Variants in THSD7B observed in about 807,000 individuals in gnomAD.
THSD7B encodes thrombospondin type 1 domain containing 7B, also known as thrombospondin type-1 domain-containing protein 7B.
In THSD7B, 138 loss-of-function variants were observed where a neutral mutation model predicts 213.6. The observed-to-expected ratio is 0.65, with a 90% confidence interval of 0.56 to 0.74. The LOEUF (loss-of-function observed/expected upper bound fraction) is 0.74, where lower values mean the gene tolerates loss of function less well. Ranked by LOEUF, THSD7B falls within the 30% of genes least tolerant of loss-of-function variation. The pLI, the probability that THSD7B is intolerant of heterozygous loss-of-function variation, is 0.00. For synonymous variants in THSD7B, 742 were observed against 687.0 expected (o/e 1.08, Z -1.25); for missense variants, 1,931 against 1,991.5 (o/e 0.97, Z 0.58).
chr2:137,040,900 G>A (rs144427311), intron 2 of THSD7B, among the ~76,000 whole-genome samples: 279 of 152,294 alleles, frequency 1.8e-3, no homozygotes, highest in African/African-American at 6.5e-3. Flanking sequence ...CTTTGATAAT[G>A]TGTTTCATCA....
intron 2 of THSD7B, among the ~76,000 whole-genome samples, chr2:136,887,874 A>G (rs1013064362): frequency 6.6e-6 from 1 of 152,058 alleles, no homozygotes; most frequent in African/African-American, 2.4e-5. Context: ...AAGTTGTTTA[A>G]CCTCTCTGAG....
At chr2:136,996,721 TAATC>T (rs1350562669) in intron 2 of THSD7B, among the ~76,000 whole-genome samples, 14 of 152,302 alleles carry the variant, frequency 9.2e-5, no homozygotes, top group South Asian at 2.1e-4. Flanking sequence ...ATTTAATTAT[TAATC>T]AATCAATATT....
At chr2:136,878,447 T>C (rs1683560029) in intron 1 of THSD7B, among the ~76,000 whole-genome samples, 1 of 152,208 alleles carries the variant, frequency 6.6e-6, no homozygotes, top group South Asian at 2.1e-4. Context: ...ATGGGATGGC[T>C]GGGTCAAATG....
intron 1 of THSD7B, among the ~76,000 whole-genome samples, chr2:136,858,105 A>G (rs1683203207): frequency 6.6e-6 from 1 of 152,234 alleles, no homozygotes. Flanking sequence ...TTACAAGCAT[A>G]ATTGAAAACA....
At chr2:137,633,503 G>T (rs935213340) in intron 20 of THSD7B, among the ~76,000 whole-genome samples, 5 of 152,148 alleles carry the variant, frequency 3.3e-5, no homozygotes, top group Non-Finnish European at 4.4e-5. Context: ...CGTAGTATCT[G>T]ATACCTAAGA....
At chr2:137,047,277 G>A (rs1007654215) in intron 2 of THSD7B, among the ~76,000 whole-genome samples, 9 of 152,166 alleles carry the variant, frequency 5.9e-5, no homozygotes, top group Non-Finnish European at 1.0e-4. Flanking sequence ...GATTGAATCT[G>A]ATCTTTGTAA....
intron 5 of THSD7B, among the ~76,000 whole-genome samples, chr2:137,125,564 G>A (rs1485538185): frequency 2.0e-5 from 3 of 151,988 alleles, no homozygotes; most frequent in Non-Finnish European, 4.4e-5. Context: ...CTGAAATCTT[G>A]AATACCTCAA....
intron 10 of THSD7B, among the ~76,000 whole-genome samples, chr2:137,250,560 A>G (rs930499151): frequency 6.6e-6 from 1 of 152,232 alleles, no homozygotes; most frequent in Non-Finnish European, 1.5e-5. Flanking sequence ...CCAAAACCAC[A>G]TGGAATCCTA....
Position 137,489,208 on chromosome 2 carries a change from C to T in THSD7B, c.3138+38185C>T, listed in dbSNP as rs1197237842. Among the ~76,000 whole-genome samples the T allele has an allele frequency of 4.6e-5, 7 of 151,876 alleles. No homozygotes were observed. The South Asian group carries it at 1.0e-3, about 22-fold the overall frequency. On this transcript the variant is annotated intron_variant, in intron 15 of 27. Coordinates refer to ENST00000409968, the MANE Select transcript of THSD7B (RefSeq NM_001316349.2). ...TTGGGAGGCTGAGGCTGGTGGATCA[C>T]GAGGTCAGGAGATCGAGACCATCCT...
At chr2:137,362,470 C>T (rs10427281) in intron 12 of THSD7B, among the ~76,000 whole-genome samples, 120,426 of 151,612 alleles carry the variant, frequency 0.79, 48,910 homozygotes, top group East Asian at 0.94. Context: ...CCCATCAGTG[C>T]GTTGTATTCA....
intron 14 of THSD7B, among the ~76,000 whole-genome samples, chr2:137,447,898 T>C (rs1218785372): frequency 6.6e-6 from 1 of 152,002 alleles, no homozygotes; most frequent in Non-Finnish European, 1.5e-5. Context: ...TATAGGAAAA[T>C]GCAGAAAATG....
At chr2:137,271,445 TATATAATATAATATATA>T (rs1682735923) in intron 10 of THSD7B, among the ~76,000 whole-genome samples, 2 of 131,384 alleles carry the variant, frequency 1.5e-5, no homozygotes, top group African/African-American at 5.9e-5. Context: ...TATAATATAA[TATATAATATAATATATA>T]ATATAATATA....
At chr2:137,106,775 C>A (rs976475183) in intron 4 of THSD7B, among the ~76,000 whole-genome samples, 8 of 152,168 alleles carry the variant, frequency 5.3e-5, no homozygotes, top group Admixed American at 1.3e-4. Flanking sequence ...ATGCGGCCAA[C>A]AAACATATGA....
intron 12 of THSD7B, among the ~76,000 whole-genome samples, chr2:137,318,971 G>C (rs115551198): frequency 6.6e-6 from 1 of 151,386 alleles, no homozygotes; most frequent in Non-Finnish European, 1.5e-5. Context: ...AGATTGAATT[G>C]TCTCACAATG....
chr2:137,423,260 A>G (rs1341275859), intron 14 of THSD7B, among the ~76,000 whole-genome samples: 1 of 152,132 alleles, frequency 6.6e-6, no homozygotes, highest in Non-Finnish European at 1.5e-5. Flanking sequence ...CTCAAATTCT[A>G]TTCAGCACCA....
chr2:137,600,978 A>G lies in THSD7B; in HGVS notation c.3424-15197A>G, dbSNP rs1245113274. Reference sequence around the variant, plus strand: ...TATCTTAGTTTTCAGCAACAAAAAAAGTTTAAATAGGAAAAAAATTAAAAA... The same window carrying G: ...TATCTTAGTTTTCAGCAACAAAAAAGGTTTAAATAGGAAAAAAATTAAAAA... On this transcript the variant is annotated intron_variant, in intron 17 of 27. Coordinates refer to ENST00000409968, the MANE Select transcript of THSD7B (RefSeq NM_001316349.2). Among the ~76,000 whole-genome samples, 6 of 152,318 alleles carry G rather than the reference A, an allele frequency of 3.9e-5. No homozygotes were observed. In the East Asian group the frequency reaches 1.2e-3, roughly 29 times the overall value.
chr2:136,965,832 T>G (rs992406197), intron 2 of THSD7B, among the ~76,000 whole-genome samples: 2 of 152,200 alleles, frequency 1.3e-5, no homozygotes, highest in African/African-American at 4.8e-5. Flanking sequence ...TTTTCTTAAG[T>G]TAAAGTGCCT....
chr2:137,375,492 G>A (rs1429037172), intron 12 of THSD7B, among the ~76,000 whole-genome samples: 1 of 152,122 alleles, frequency 6.6e-6, no homozygotes, highest in Non-Finnish European at 1.5e-5. Flanking sequence ...TTTCTCGCAT[G>A]CAACTTTTCA....
Position 137,100,559 on chromosome 2 carries a change from A to C in THSD7B, c.1199+5438A>C, listed in dbSNP as rs563513911. Among the ~76,000 whole-genome samples the C allele has an allele frequency of 3.9e-5, 6 of 152,264 alleles. No individual in the cohort carries two copies. In the East Asian group the frequency reaches 1.2e-3, roughly 29 times the overall value. On this transcript the variant is annotated intron_variant, in intron 4 of 27. Coordinates refer to ENST00000409968, the MANE Select transcript of THSD7B (RefSeq NM_001316349.2). ...AACACATCATCTCATACATATGAAT[A>C]GGACTATTTTGTTTGTTTGTTTCCT...
Sources: allele counts gnomAD v4.1 joint callset (sites outside exome capture counted in the v4.1 genomes callset), GRCh38; gene constraint gnomAD v4.1.1; transcripts MANE v1.5; gene names NCBI Gene and HGNC (gene_info 2026-07-23, HGNC 2026-07-21).